Variants in CHRNA7 observed in about 807,000 individuals in gnomAD.
CHRNA7 encodes cholinergic receptor nicotinic alpha 7 subunit.
Under a neutral mutation model 48.0 loss-of-function variants are expected in CHRNA7, and 17 were observed. That is an observed-to-expected ratio of 0.35 (90% confidence interval 0.24 to 0.53). The LOEUF is 0.53. Ranked by LOEUF, CHRNA7 falls within the 20% of genes least tolerant of loss-of-function variation. CHRNA7 has a pLI of 0.92. For missense variants in CHRNA7, 155 were observed against 577.7 expected (o/e 0.27, Z 7.50); for synonymous variants, 75 against 242.3 (o/e 0.31, Z 6.41).
At chr15:32,059,195 G>A (rs2049836667) in intron 2 of CHRNA7, among the ~76,000 whole-genome samples, 2 of 152,070 alleles carry the variant, frequency 1.3e-5, no homozygotes, top group Admixed American at 1.3e-4. Context: ...GTAGAGATAG[G>A]GTTTTACCGT....
At chr15:32,097,788 C>T (rs2050497362) in intron 2 of CHRNA7, among the ~76,000 whole-genome samples, 1 of 152,208 alleles carries the variant, frequency 6.6e-6, no homozygotes, top group Admixed American at 6.5e-5. Context: ...GCAGGAACCC[C>T]CTTGTTTGAC....
intron 2 of CHRNA7, among the ~76,000 whole-genome samples, chr15:32,052,133 C>G (rs2049696924): frequency 6.6e-6 from 1 of 152,100 alleles, no homozygotes; most frequent in South Asian, 2.1e-4. Context: ...GCTCCCCTCT[C>G]TTCCTGGATC....
chr15:32,077,408 T>C (rs1343199373), intron 2 of CHRNA7, among the ~76,000 whole-genome samples: 7 of 152,218 alleles, frequency 4.6e-5, no homozygotes. Context: ...TTTTCTGTTC[T>C]CACCAGCAAT....
At chr15:32,030,770 C>CG in intron 1 of CHRNA7, 121 bp downstream of exon 1, 1 of 1,505,708 alleles carries the variant, frequency 6.6e-7, no homozygotes, top group Non-Finnish European at 8.8e-7. Context: ...GGAGGGGCAG[C>CG]GGGGGCGCTG....
At chr15:32,039,449 T>TA (rs1298863329) in intron 2 of CHRNA7, among the ~76,000 whole-genome samples, 1 of 152,204 alleles carries the variant, frequency 6.6e-6, no homozygotes, top group East Asian at 1.9e-4. Flanking sequence ...CAAATTTTGA[T>TA]AAGTTGTGTT....
intron 2 of CHRNA7, among the ~76,000 whole-genome samples, chr15:32,091,670 C>G (rs908921827): frequency 5.9e-5 from 9 of 152,138 alleles, no homozygotes; most frequent in African/African-American, 2.2e-4. Context: ...TGGTTCAGCT[C>G]TCCACCTACG....
chr15:32,088,396 C>T (rs1373034812), intron 2 of CHRNA7, among the ~76,000 whole-genome samples: 1 of 152,176 alleles, frequency 6.6e-6, no homozygotes, highest in Non-Finnish European at 1.5e-5. Flanking sequence ...CTGCTATAAA[C>T]ATGTGCAGGT....
intron 4 of CHRNA7, among the ~76,000 whole-genome samples, chr15:32,151,853 G>A (rs894116000): frequency 7.2e-5 from 11 of 152,006 alleles, no homozygotes; most frequent in African/African-American, 2.4e-4. Context: ...ACTGTCCTCC[G>A]GTATCTGTGA....
chr15:32,108,773 A>G, intron 3 of CHRNA7, among the ~76,000 whole-genome samples: 1 of 152,184 alleles, frequency 6.6e-6, no homozygotes, highest in Non-Finnish European at 1.5e-5. Flanking sequence ...TTAAGCCACC[A>G]TTCATCACTT....
chr15:32,038,343 A>G (rs1159727652), intron 2 of CHRNA7, among the ~76,000 whole-genome samples: 2 of 151,374 alleles, frequency 1.3e-5, no homozygotes, highest in Non-Finnish European at 2.9e-5. Context: ...AGTTTTTGTG[A>G]TGAATAGGAG....
intron 2 of CHRNA7, among the ~76,000 whole-genome samples, chr15:32,059,481 G>A (rs1161171648): frequency 6.6e-6 from 1 of 151,904 alleles, no homozygotes; most frequent in Non-Finnish European, 1.5e-5. Context: ...GTTTTGCTTT[G>A]GTCACTGTGA....
chr15:32,110,372 C>T (rs1350881130), intron 3 of CHRNA7, among the ~76,000 whole-genome samples: 1 of 152,216 alleles, frequency 6.6e-6, no homozygotes, highest in Non-Finnish European at 1.5e-5. Flanking sequence ...ACTTCCATCT[C>T]ATTAGAGACC....
intron 4 of CHRNA7, among the ~76,000 whole-genome samples, chr15:32,119,314 C>A (rs1392808): frequency 0.12 from 18,933 of 152,236 alleles, 1,177 homozygotes; most frequent in Middle Eastern, 0.16. Flanking sequence ...TGGTTCCTTC[C>A]TTCATTAATG....
At chr15:32,081,544 T>C (rs533001422) in intron 2 of CHRNA7, among the ~76,000 whole-genome samples, 1 of 152,280 alleles carries the variant, frequency 6.6e-6, no homozygotes, top group East Asian at 1.9e-4. Context: ...TACTCTATTG[T>C]TTGAATATTA....
At chr15:32,121,914 A>G (rs939245277) in intron 4 of CHRNA7, among the ~76,000 whole-genome samples, 6 of 152,188 alleles carry the variant, frequency 3.9e-5, no homozygotes, top group East Asian at 1.9e-4. Context: ...GGGACTAGCT[A>G]TAATCTAAGG....
chr15:32,127,261 T>A (rs573578135), intron 4 of CHRNA7, among the ~76,000 whole-genome samples: 12 of 152,302 alleles, frequency 7.9e-5, no homozygotes, highest in Admixed American at 7.8e-4. Flanking sequence ...ATTGCAATCA[T>A]AGCTTCTATA....
chr15:32,066,330 G>A (rs986241892), intron 2 of CHRNA7, among the ~76,000 whole-genome samples: 3 of 151,488 alleles, frequency 2.0e-5, no homozygotes, highest in African/African-American at 4.9e-5. Context: ...CGCCCAGGCT[G>A]GAGTGCGGTG....
At chr15:32,053,700 G>A (rs543437613) in intron 2 of CHRNA7, among the ~76,000 whole-genome samples, 144 of 152,272 alleles carry the variant, frequency 9.5e-4, no homozygotes, top group Non-Finnish European at 1.6e-3. Context: ...CAGAGGCCTT[G>A]GAGTCACAGC....
intron 4 of CHRNA7, among the ~76,000 whole-genome samples, chr15:32,150,503 G>A (rs1230561471): frequency 2.0e-5 from 3 of 152,174 alleles, no homozygotes; most frequent in African/African-American, 7.2e-5. Context: ...CTCATTTGGT[G>A]ACTCCTTTAT....
Sources: gnomAD v4.1 joint callset for allele counts (sites outside exome capture counted in the v4.1 genomes callset) on GRCh38, gnomAD v4.1.1 for gene constraint, MANE v1.5 for transcripts, NCBI Gene and HGNC (gene_info 2026-07-23, HGNC 2026-07-21) for gene names.